The following GSE1 variants were observed in gnomAD, a reference collection of about 807,000 sequenced individuals.
GSE1 encodes genetic suppressor element 1.
Under a neutral mutation model 112.6 loss-of-function variants are expected in GSE1, and 32 were observed. The ratio of observed to expected loss-of-function variants is 0.28; its 90% CI spans 0.21 to 0.38. GSE1 has a LOEUF of 0.38. Ranked by LOEUF, GSE1 falls within the 10% of genes least tolerant of loss-of-function variation. The probability of loss-of-function intolerance (pLI) is 1.00; values close to 1 mark genes in which losing one functional copy is unlikely to be tolerated. For synonymous variants in GSE1, 1,115 were observed against 735.6 expected (o/e 1.52, Z -8.35); for missense variants, 2,348 against 1,699.2 (o/e 1.38, Z -6.71).
upstream of GSE1, among the ~76,000 whole-genome samples, chr16:85,610,463 G>A (rs1165168491): frequency 6.6e-6 from 1 of 152,264 alleles, no homozygotes; most frequent in African/African-American, 2.4e-5. Flanking sequence ...TAGCCCCAGT[G>A]CTGGGAAATT....
At chr16:85,509,444 C>T (rs1358189283) in intron 2 of GSE1, among the ~76,000 whole-genome samples, 1 of 152,228 alleles carries the variant, frequency 6.6e-6, no homozygotes, top group South Asian at 2.1e-4. Context: ...TACGAGGAGG[C>T]CAAGGCCAAG....
exon 1 of GSE1, chr16:85,171,530 C>G: frequency 2.0e-6 from 2 of 985,604 alleles, no homozygotes; most frequent in Non-Finnish European, 2.4e-6. Context: ...TCCCACCACG[C>G]TGTCAGCGCC....
chr16:85,649,769 A>G (rs558576297), intron 3 of GSE1, among the ~76,000 whole-genome samples: 1 of 152,290 alleles, frequency 6.6e-6, no homozygotes, highest in East Asian at 1.9e-4. Context: ...ATTAAACCAC[A>G]AAGAAGGTGG....
intron 2 of GSE1, among the ~76,000 whole-genome samples, chr16:85,421,387 T>G (rs1446023552): frequency 1.3e-5 from 2 of 151,978 alleles, no homozygotes; most frequent in African/African-American, 4.8e-5. Context: ...CACCGGGAGA[T>G]GCACCCCAGA....
intron 1 of GSE1, among the ~76,000 whole-genome samples, chr16:85,585,829 T>C (rs1317196621): frequency 6.6e-6 from 1 of 152,208 alleles, no homozygotes; most frequent in Non-Finnish European, 1.5e-5. Flanking sequence ...GGCTGCAGGG[T>C]GCGACTTGGG....
At chr16:85,660,119 G>A (rs866891434) in intron 8 of GSE1, among the ~76,000 whole-genome samples, 1 of 152,256 alleles carries the variant, frequency 6.6e-6, no homozygotes, top group Admixed American at 6.5e-5. Flanking sequence ...ACAAGGCACA[G>A]CAGGAGGAGA....
chr16:85,340,989 T>C (rs935947000), intron 1 of GSE1, among the ~76,000 whole-genome samples: 2 of 152,172 alleles, frequency 1.3e-5, no homozygotes, highest in African/African-American at 4.8e-5. Context: ...GTGGCAAGGA[T>C]TAAGTGAGTT....
intron 1 of GSE1, among the ~76,000 whole-genome samples, chr16:85,340,234 C>T (rs2046595530): frequency 6.6e-6 from 1 of 152,072 alleles, no homozygotes; most frequent in Admixed American, 6.6e-5. Flanking sequence ...TCTGTGGTCC[C>T]AGTTACCTGG....
At chr16:85,594,233 T>TGGGG (rs1193602830) in intron 1 of GSE1, 3 of 24,040 alleles carry the variant, frequency 1.2e-4, no homozygotes, top group Admixed American at 5.9e-4. Context: ...CCTGGGGGGT[T>TGGGG]GGGGGGGGGG....
rs2051872181 is a variant in GSE1 at position 85,514,810 on chromosome 16, TC to T, written c.2465-119102del. On this transcript the variant is annotated intron_variant, in intron 2 of 2. Transcript: ENST00000637419. ...AGGAGGTTCCTGAGCCCCCAATAGC[TC>T]CTCTCCCTGTCCCTGCAGGGATCCT... is the stretch of plus-strand genomic sequence containing the variant. Among the ~76,000 whole-genome samples the T allele has an allele frequency of 2.0e-5, 3 of 152,102 alleles. No homozygotes were observed. In the South Asian group the frequency reaches 6.2e-4, roughly 31 times the overall value.
chr16:85,296,039 A>C (rs1256038866), intron 1 of GSE1, among the ~76,000 whole-genome samples: 1 of 152,188 alleles, frequency 6.6e-6, no homozygotes, highest in Non-Finnish European at 1.5e-5. Flanking sequence ...CCTCGGAGCC[A>C]GTTTGGATCA....
Position 85,654,322 on chromosome 16 carries a change from TGTG to T in GSE1, c.473_475del (p.Val158del). On this transcript the variant is annotated inframe_deletion, in exon 4 of 16. Transcript: ENST00000253458. ...GCAGTGGAGGTCGGGAACGCCTCAT[TGTG>T]GAGCCCCCGCTCCCTCAGGAGAAGG... The T allele has an allele frequency of 6.2e-7, 1 of 1,610,976 alleles. No individual in the cohort carries two copies. The highest frequency in any genetic ancestry group is 8.5e-7 in the Non-Finnish European group (1 of 1,179,332).
intron 2 of GSE1, among the ~76,000 whole-genome samples, chr16:85,461,905 C>T (rs1028760424): frequency 4.6e-5 from 7 of 152,182 alleles, no homozygotes; most frequent in African/African-American, 1.7e-4. Context: ...CCTGCCCCTC[C>T]TTCCTGCTCT....
chr16:85,238,957 C>G (rs774643758), intron 1 of GSE1, among the ~76,000 whole-genome samples: 1 of 151,974 alleles, frequency 6.6e-6, no homozygotes, highest in Non-Finnish European at 1.5e-5. Context: ...TGAGATGGAG[C>G]CTCGTTCTTG....
In GSE1 at chr16:85,668,357, GGAA is replaced by G; in HGVS notation, c.3350_3352del (p.Glu1117del). The G allele has an allele frequency of 6.2e-7, 1 of 1,613,028 alleles. No homozygotes were observed. Among genetic ancestry groups the G allele is most frequent in the Non-Finnish European group, 8.5e-7 (1 of 1,179,358 alleles). ...ATGATGAAGATGGAGAAGATGAGGA[GGAA>G]GTCCCCAAGCGCAAGTGGCAAGGGA... On this transcript the variant is annotated inframe_deletion, in exon 14 of 16. Transcript: ENST00000253458.
intron 2 of GSE1, among the ~76,000 whole-genome samples, chr16:85,434,961 G>A (rs2035487): frequency 0.17 from 25,336 of 152,262 alleles, 2,169 homozygotes; most frequent in Middle Eastern, 0.26. Flanking sequence ...GCAGCAAGGC[G>A]GCTTCGTGGC....
intron 1 of GSE1, among the ~76,000 whole-genome samples, chr16:85,339,890 C>T (rs1024738252): frequency 2.0e-4 from 30 of 152,174 alleles, no homozygotes; most frequent in African/African-American, 6.0e-4. Flanking sequence ...CCGGATCTTT[C>T]CCTGTCTTAC....
chr16:85,560,216 A>T (rs1389754382), intron 1 of GSE1, among the ~76,000 whole-genome samples: 3 of 146,042 alleles, frequency 2.1e-5, no homozygotes, highest in African/African-American at 7.7e-5. Context: ...GCTCACTGCA[A>T]CCTCCGCCTC....
intron 1 of GSE1, 36 bp downstream of exon 1, chr16:85,613,434 C>A: frequency 1.3e-6 from 2 of 1,517,554 alleles, no homozygotes; most frequent in Non-Finnish European, 1.8e-6. Flanking sequence ...ACGGGGTCCT[C>A]CCCCCTCCCC....
Sources: allele counts gnomAD v4.1 joint callset (sites outside exome capture counted in the v4.1 genomes callset), GRCh38; gene constraint gnomAD v4.1.1; transcripts MANE v1.5; gene names NCBI Gene and HGNC (gene_info 2026-07-23, HGNC 2026-07-21).